The following TENM3 variants were observed in gnomAD, a reference collection of about 807,000 sequenced individuals.
TENM3 encodes the protein teneurin transmembrane protein 3, also known as teneurin-3.
Under a neutral mutation model 255.1 loss-of-function variants are expected in TENM3, and 63 were observed. The ratio of observed to expected loss-of-function variants is 0.25; its 90% CI spans 0.20 to 0.30. TENM3 has a LOEUF of 0.30. Ranked by LOEUF, TENM3 falls within the 10% of genes least tolerant of loss-of-function variation. The probability of loss-of-function intolerance (pLI) is 1.00; values close to 1 mark genes in which losing one functional copy is unlikely to be tolerated. For synonymous variants in TENM3, 1,306 were observed against 1,322.3 expected (o/e 0.99, Z 0.27); for missense variants, 2,929 against 3,461.1 (o/e 0.85, Z 3.86).
chr4:182,176,630 T>C (rs1380193758), intron 1 of TENM3, among the ~76,000 whole-genome samples: 1 of 152,048 alleles, frequency 6.6e-6, no homozygotes. Flanking sequence ...GCAGAACTCT[T>C]TTTACATATA....
chr4:181,975,572 T>C, the TENM3 span: 1 of 152,204 alleles, frequency 6.6e-6, no homozygotes, highest in Non-Finnish European at 1.5e-5. Context: ...CAGTTACTAC[T>C]GTTTTAAGAG....
chr4:181,521,603 A>G, the TENM3 span, among the ~76,000 whole-genome samples: 97 of 152,332 alleles, frequency 6.4e-4, no homozygotes, highest in African/African-American at 2.1e-3. Flanking sequence ...GTGTACAACA[A>G]TATCTTTAAG....
intron 1 of TENM3, among the ~76,000 whole-genome samples, chr4:182,286,584 G>T (rs543094749): frequency 2.6e-5 from 4 of 152,148 alleles, no homozygotes; most frequent in Non-Finnish European, 5.9e-5. Context: ...GGTGACTGTT[G>T]GGAGCAGGCC....
At chr4:181,587,149 T>C in the TENM3 span, among the ~76,000 whole-genome samples, 1 of 152,226 alleles carries the variant, frequency 6.6e-6, no homozygotes, top group Non-Finnish European at 1.5e-5. Flanking sequence ...CATTAAATTC[T>C]CTTTTTATTT....
intron 3 of TENM3, among the ~76,000 whole-genome samples, chr4:182,531,414 C>A (rs1028545659): frequency 3.9e-5 from 6 of 152,140 alleles, no homozygotes; most frequent in Non-Finnish European, 8.8e-5. Context: ...TGTGGACATT[C>A]TAAAAGCCAT....
the TENM3 span, among the ~76,000 whole-genome samples, chr4:181,885,238 A>C: frequency 6.6e-6 from 1 of 152,190 alleles, no homozygotes; most frequent in Non-Finnish European, 1.5e-5. Flanking sequence ...ACTATACAAA[A>C]AGTTCAAAAA....
chr4:181,641,852 T>G, the TENM3 span, among the ~76,000 whole-genome samples: 1 of 117,198 alleles, frequency 8.5e-6, no homozygotes, highest in South Asian at 3.0e-4. Context: ...ATGCCACATT[T>G]TCTTTATCCA....
chr4:181,641,805 CATATATATATATATATATATATATATAT>C, the TENM3 span, among the ~76,000 whole-genome samples: 1 of 31,438 alleles, frequency 3.2e-5, no homozygotes, highest in Admixed American at 7.3e-4. Context: ...ACACACACAC[CATATATATATATATATATATATATATAT>C]ATATATATAT....
the TENM3 span, among the ~76,000 whole-genome samples, chr4:181,643,255 T>C: frequency 2.6e-5 from 4 of 152,166 alleles, no homozygotes; most frequent in Admixed American, 1.3e-4. Flanking sequence ...TTGCTAGGTA[T>C]TTTATTCTCT....
In TENM3 at chr4:182,793,921, C is replaced by CT; in HGVS notation, c.7213+37dup. The CT allele has an allele frequency of 1.3e-6, 2 of 1,530,224 alleles. No homozygotes were observed. The highest frequency in any genetic ancestry group is 2.5e-5 in the South Asian group (2 of 78,992). 94.8% of individuals were successfully genotyped at this position (1,530,224 alleles called of 1,614,324 possible). On this transcript the variant is annotated intron_variant, in intron 26 of 27. Coordinates refer to ENST00000511685, the MANE Select transcript of TENM3 (RefSeq NM_001080477.4). This position sits in a 1 kb window ranked among gnomAD's most constrained non-coding sequence, Gnocchi z 5.7. ...TGATTCCTTCCCAAGAGCTGGAGGA[C>CT]TACCATCATTAGATTAATACACAAA... is the stretch of plus-strand genomic sequence containing the variant.
At chr4:182,737,107 A>G (rs375850347) in intron 17 of TENM3, 32 bp downstream of exon 17, 15 of 1,592,898 alleles carry the variant, frequency 9.4e-6, no homozygotes, top group African/African-American at 8.1e-5. Flanking sequence ...GCTGCAGTGA[A>G]GTTTTTCTCA....
chr4:182,328,478 A>C, intron 2 of TENM3, among the ~76,000 whole-genome samples: 1 of 152,152 alleles, frequency 6.6e-6, no homozygotes, highest in East Asian at 1.9e-4. Flanking sequence ...GGCCTCCCAA[A>C]GTGCTAGGAT....
intron 3 of TENM3, among the ~76,000 whole-genome samples, chr4:182,389,691 C>CTTTTTTTT (rs3072378): frequency 0.034 from 4,474 of 133,032 alleles, 277 homozygotes; most frequent in Non-Finnish European, 0.04. Context: ...GTAGATGACT[C>CTTTTTTTT]TTTTTTTTTT....
intron 3 of TENM3, among the ~76,000 whole-genome samples, chr4:182,567,215 A>G (rs1743882776): frequency 6.6e-6 from 1 of 152,100 alleles, no homozygotes; most frequent in Non-Finnish European, 1.5e-5. Context: ...CATTGTCTCT[A>G]TTGTCAAAGT....
intron 3 of TENM3, among the ~76,000 whole-genome samples, chr4:182,456,771 T>C (rs11945229): frequency 0.8 from 122,209 of 152,104 alleles, 49,639 homozygotes; most frequent in East Asian, 0.95. Flanking sequence ...GTGAGGAATG[T>C]TGGAAGGACT....
chr4:181,592,145 G>A, the TENM3 span, among the ~76,000 whole-genome samples: 1 of 151,976 alleles, frequency 6.6e-6, no homozygotes, highest in Non-Finnish European at 1.5e-5. Flanking sequence ...TATCTTGACT[G>A]TGGTCATGGT....
At chr4:182,060,920 T>C in the TENM3 span, among the ~76,000 whole-genome samples, 1 of 152,196 alleles carries the variant, frequency 6.6e-6, no homozygotes, top group African/African-American at 2.4e-5. Context: ...ACTCGTAATA[T>C]ATGATATTGA....
the TENM3 span, among the ~76,000 whole-genome samples, chr4:182,091,550 C>T: frequency 6.6e-6 from 1 of 152,112 alleles, no homozygotes; most frequent in African/African-American, 2.4e-5. Flanking sequence ...GTGCTCAAAC[C>T]TTTGAGATAA....
chr4:182,647,702 C>T (rs996003511), intron 5 of TENM3, among the ~76,000 whole-genome samples: 9 of 152,132 alleles, frequency 5.9e-5, no homozygotes, highest in African/African-American at 2.2e-4. Flanking sequence ...GTAAGTATCT[C>T]TTCAAGACCT....
Sources: gnomAD v4.1 joint callset for allele counts (sites outside exome capture counted in the v4.1 genomes callset) on GRCh38, gnomAD v4.1.1 for gene constraint, Gnocchi (gnomAD v3.1) non-coding constraint, MANE v1.5 for transcripts, NCBI Gene and HGNC (gene_info 2026-07-23, HGNC 2026-07-21) for gene names.